The following CTNND2 variants were observed in gnomAD, a reference collection of about 807,000 sequenced individuals.
CTNND2 encodes catenin delta 2.
Under a neutral mutation model 144.4 loss-of-function variants are expected in CTNND2, and 22 were observed. That is an observed-to-expected ratio of 0.15 (90% CI 0.11 to 0.22). CTNND2 has a LOEUF of 0.22. CTNND2 is among the 10% of genes least tolerant of loss of function. The pLI, the probability that CTNND2 is intolerant of heterozygous loss-of-function variation, is 1.00. For missense variants in CTNND2, 1,353 were observed against 1,618.8 expected, an observed-to-expected ratio of 0.84 and a Z score of 2.82; for synonymous variants, 751 against 695.6, an observed-to-expected ratio of 1.08 and a Z score of -1.25.
At chr5:11,314,053 G>A (rs937011033) in intron 9 of CTNND2, among the ~76,000 whole-genome samples, 1 of 152,172 alleles carries the variant, frequency 6.6e-6, no homozygotes, top group Non-Finnish European at 1.5e-5. Flanking sequence ...AATTTGACAT[G>A]AGATTTAGGT....
intron 9 of CTNND2, among the ~76,000 whole-genome samples, chr5:11,299,659 T>C (rs1749375781): frequency 6.6e-6 from 1 of 152,196 alleles, no homozygotes; most frequent in South Asian, 2.1e-4. Context: ...AATGGCCATG[T>C]TATTCCTCCC....
intron 6 of CTNND2, among the ~76,000 whole-genome samples, chr5:11,390,966 A>G (rs572783635): frequency 1.3e-4 from 20 of 152,294 alleles, no homozygotes; most frequent in African/African-American, 4.6e-4. Context: ...GAGCACATTC[A>G]AAGGAAGGCA....
chr5:10,978,699 T>C (rs765794571), intron 21 of CTNND2, among the ~76,000 whole-genome samples: 21 of 152,164 alleles, frequency 1.4e-4, no homozygotes, highest in Non-Finnish European at 2.8e-4. Context: ...TTGCTCTCCA[T>C]CCAGGGTGGA....
At chr5:11,427,939 G>C (rs1215307519) in intron 3 of CTNND2, among the ~76,000 whole-genome samples, 1 of 152,190 alleles carries the variant, frequency 6.6e-6, no homozygotes, top group Non-Finnish European at 1.5e-5. Context: ...TGGCTGGGGA[G>C]GCCTCAGAAT....
intron 2 of CTNND2, among the ~76,000 whole-genome samples, chr5:11,708,760 G>A (rs1053938948): frequency 6.6e-6 from 1 of 152,076 alleles, no homozygotes; most frequent in African/African-American, 2.4e-5. Flanking sequence ...TTAAGGCAGG[G>A]TAAGCACCAC....
chr5:11,353,974 C>T (rs1260099114), intron 8 of CTNND2, among the ~76,000 whole-genome samples: 1 of 152,114 alleles, frequency 6.6e-6, no homozygotes, highest in Non-Finnish European at 1.5e-5. Flanking sequence ...AATGTATCCA[C>T]AGTGGACTTA....
chr5:11,075,612 C>T (rs910018395), intron 16 of CTNND2, among the ~76,000 whole-genome samples: 4 of 152,200 alleles, frequency 2.6e-5, no homozygotes, highest in African/African-American at 9.7e-5. Flanking sequence ...CCCTGGTTCG[C>T]CTGCTGGAAA....
At chr5:11,641,054 C>G (rs1205374214) in intron 2 of CTNND2, among the ~76,000 whole-genome samples, 1 of 152,096 alleles carries the variant, frequency 6.6e-6, no homozygotes, top group African/African-American at 2.4e-5. Context: ...ATGGTGGGTT[C>G]CAGGTGTCAG....
chr5:11,863,913 T>A (rs1472252659), intron 1 of CTNND2, among the ~76,000 whole-genome samples: 1 of 152,198 alleles, frequency 6.6e-6, no homozygotes, highest in African/African-American at 2.4e-5. Flanking sequence ...TCAGCAGAAG[T>A]ACACCTAGGA....
chr5:11,487,577 C>CA (rs1199565717), intron 3 of CTNND2, among the ~76,000 whole-genome samples: 33 of 152,208 alleles, frequency 2.2e-4, no homozygotes, highest in Admixed American at 5.9e-4. Flanking sequence ...GTGTGCTCGT[C>CA]AGAGTGCACA....
chr5:11,875,185 T>C (rs1367927560), intron 1 of CTNND2, among the ~76,000 whole-genome samples: 1 of 152,162 alleles, frequency 6.6e-6, no homozygotes, highest in Non-Finnish European at 1.5e-5. Context: ...GAAACCTTTG[T>C]TGTTCAGGGT....
intron 9 of CTNND2, among the ~76,000 whole-genome samples, chr5:11,303,742 G>C (rs1454132151): frequency 1.3e-5 from 2 of 152,154 alleles, no homozygotes; most frequent in Non-Finnish European, 2.9e-5. Context: ...CAGTAGCCTT[G>C]ATTAGTTACT....
rs140373550 is a variant in CTNND2 at position 11,261,243 on chromosome 5, C to G, written c.1629-24420G>C. Among the ~76,000 whole-genome samples, 367 of 152,278 alleles carry G rather than the reference C, an allele frequency of 2.4e-3. 3 individuals are homozygous for G. The highest frequency in any genetic ancestry group is 8.5e-3 in the African/African-American group (354 of 41,556). On this transcript the variant is annotated intron_variant, in intron 9 of 21. Coordinates refer to ENST00000304623, the MANE Select transcript of CTNND2 (RefSeq NM_001332.4). ...TTAGTGACAGTGATATTGGGCTGGCCGTTTGTCCCAGCCTCTCATCGGTCT... is the reference window on the plus strand; with the variant it reads ...TTAGTGACAGTGATATTGGGCTGGCGGTTTGTCCCAGCCTCTCATCGGTCT...
intron 19 of CTNND2, among the ~76,000 whole-genome samples, chr5:10,991,271 G>A (rs1050482093): frequency 2.6e-5 from 4 of 152,146 alleles, no homozygotes; most frequent in African/African-American, 4.8e-5. Context: ...TCATTCTCGC[G>A]GGTAGGGAGA....
intron 21 of CTNND2, among the ~76,000 whole-genome samples, chr5:10,979,782 T>A (rs1189426654): frequency 2.0e-5 from 3 of 152,166 alleles, no homozygotes; most frequent in Admixed American, 6.5e-5. Flanking sequence ...TTGACAAACC[T>A]GACACAAACA....
Position 11,259,659 on chromosome 5 carries a change from T to A in CTNND2, c.1629-22836A>T, listed in dbSNP as rs117387017. On this transcript the variant is annotated intron_variant, in intron 9 of 21. Coordinates refer to ENST00000304623, the MANE Select transcript of CTNND2 (RefSeq NM_001332.4). ...TGACATATAGGAAGAGCTTTTGCTATGTTGTTCTCGAGTCATGTTTGTATT... is the reference window on the plus strand; with the variant it reads ...TGACATATAGGAAGAGCTTTTGCTAAGTTGTTCTCGAGTCATGTTTGTATT... Among the ~76,000 whole-genome samples the A allele has an allele frequency of 9.2e-4, 140 of 152,342 alleles. 2 individuals are homozygous for A. The East Asian group carries it at 0.025, about 27-fold the overall frequency.
chr5:11,662,221 A>G (rs1169494984), intron 2 of CTNND2, among the ~76,000 whole-genome samples: 3 of 132,678 alleles, frequency 2.3e-5, no homozygotes, highest in African/African-American at 9.6e-5. Flanking sequence ...ATATACATAT[A>G]TGTGTATATA....
At chr5:11,604,268 T>C (rs1343578999) in intron 2 of CTNND2, among the ~76,000 whole-genome samples, 1 of 152,218 alleles carries the variant, frequency 6.6e-6, no homozygotes, top group Non-Finnish European at 1.5e-5. Context: ...GACCCATGTC[T>C]TCACAGCCAT....
chr5:11,444,681 AAC>A (rs1343972372), intron 3 of CTNND2, among the ~76,000 whole-genome samples: 1 of 152,222 alleles, frequency 6.6e-6, no homozygotes, highest in Non-Finnish European at 1.5e-5. Flanking sequence ...CAGCCTGGAT[AAC>A]AGAGTGAGAC....
Sources: allele counts gnomAD v4.1 joint callset (sites outside exome capture counted in the v4.1 genomes callset), GRCh38; gene constraint gnomAD v4.1.1; transcripts MANE v1.5; gene names NCBI Gene and HGNC (gene_info 2026-07-23, HGNC 2026-07-21).